The following CALCR variants were observed in gnomAD, a reference collection of about 807,000 sequenced individuals.
CALCR encodes the protein calcitonin receptor.
In CALCR, 47 loss-of-function variants were observed where a neutral mutation model predicts 59.5. The observed-to-expected ratio is 0.79, with a 90% CI of 0.63 to 1.01. The LOEUF is 1.01. Ranked by LOEUF, CALCR falls within the 50% of genes least tolerant of loss-of-function variation. The pLI is 0.00. For missense variants in CALCR, 566 were observed against 597.1 expected (o/e 0.95, Z 0.54); for synonymous variants, 213 against 211.3 (o/e 1.01, Z -0.07).
At chr7:93,429,529 A>G (rs1432941244) in intron 13 of CALCR, among the ~76,000 whole-genome samples, 1 of 152,204 alleles carries the variant, frequency 6.6e-6, no homozygotes, top group East Asian at 1.9e-4. Flanking sequence ...CACAGTTTGA[A>G]GACTTAACTA....
chr7:93,441,437 T>C, intron 9 of CALCR: 1 of 428,126 alleles, frequency 2.3e-6, no homozygotes, highest in Non-Finnish European at 4.6e-6. Context: ...TTAAATTGTA[T>C]CCAGTCTATT....
At chr7:93,450,464 A>T (rs1174454175) in intron 8 of CALCR, among the ~76,000 whole-genome samples, 3 of 151,958 alleles carry the variant, frequency 2.0e-5, no homozygotes, top group African/African-American at 7.2e-5. Flanking sequence ...ATATACACAG[A>T]ATCTGAGGCC....
intron 8 of CALCR, among the ~76,000 whole-genome samples, 160 bp downstream of exon 8, chr7:93,460,661 T>C (rs868860907): frequency 2.7e-5 from 4 of 146,464 alleles, no homozygotes; most frequent in Non-Finnish European, 6.0e-5. Flanking sequence ...AGAAACTACA[T>C]AGAAATGATA....
chr7:93,563,840 G>A (rs187326641), intron 2 of CALCR, among the ~76,000 whole-genome samples: 1 of 152,284 alleles, frequency 6.6e-6, no homozygotes, highest in African/African-American at 2.4e-5. Flanking sequence ...CATATTAGCT[G>A]TGTGTTCTTC....
chr7:93,431,841 A>C (rs2283003), intron 13 of CALCR, among the ~76,000 whole-genome samples: 33,056 of 152,142 alleles, frequency 0.22, 4,021 homozygotes, highest in East Asian at 0.39. Context: ...AAAAGGGAGA[A>C]AATCTAGTGT....
rs1173662251 is a variant in CALCR, at chr7:93,425,758, T to C, written c.*598A>G. The stretch of plus-strand genomic sequence containing the variant: ...CTAAATTTCTTTTGCATTCAAAGCA[T>C]ACATCTTCCTGCCAAATGCAGGTCT... On this transcript the variant is annotated 3_prime_UTR_variant, in exon 14 of 14. Transcript: ENST00000426151. 1 of 152,152 alleles carries C rather than the reference T, an allele frequency of 6.6e-6. No individual in the cohort carries two copies. The highest frequency in any genetic ancestry group is 2.4e-5 in the African/African-American group (1 of 41,460). The allele number at this position is 152,152 out of a possible 1,614,324, so 9.4% of individuals were successfully genotyped here.
intron 8 of CALCR, among the ~76,000 whole-genome samples, chr7:93,449,520 C>G (rs113784341): frequency 8.4e-4 from 128 of 152,072 alleles, no homozygotes; most frequent in African/African-American, 2.9e-3. Context: ...CCATCTCCAC[C>G]CTCAGGACTT....
intron 2 of CALCR, among the ~76,000 whole-genome samples, chr7:93,545,215 T>A (rs1446048900): frequency 3.3e-5 from 5 of 152,100 alleles, no homozygotes; most frequent in Non-Finnish European, 7.4e-5. Context: ...AGGAACTTAG[T>A]CGGCTCCTGA....
intron 7 of CALCR, among the ~76,000 whole-genome samples, chr7:93,463,159 C>G (rs573272283): frequency 6.6e-6 from 1 of 151,722 alleles, no homozygotes; most frequent in East Asian, 1.9e-4. Context: ...TCTTCAGTTT[C>G]GTATTAACTA....
chr7:93,568,691 C>T (rs1167871912), intron 2 of CALCR, among the ~76,000 whole-genome samples: 1 of 151,732 alleles, frequency 6.6e-6, no homozygotes, highest in Non-Finnish European at 1.5e-5. Flanking sequence ...ATTTTTTCCT[C>T]TATGTTTTCT....
intron 2 of CALCR, among the ~76,000 whole-genome samples, chr7:93,557,663 T>C (rs933472040): frequency 5.3e-5 from 8 of 152,008 alleles, no homozygotes; most frequent in Admixed American, 1.3e-4. Flanking sequence ...GTTATGTTTA[T>C]GATTATAACA....
At chr7:93,537,817 A>G (rs572067297) in intron 2 of CALCR, among the ~76,000 whole-genome samples, 23 of 151,918 alleles carry the variant, frequency 1.5e-4, no homozygotes, top group African/African-American at 5.3e-4. Context: ...TACATATTTG[A>G]TATGTTTGTA....
chr7:93,438,304 T>C (rs746338577), intron 9 of CALCR, 34 bp from the exon 10 acceptor site: 1 of 1,542,670 alleles, frequency 6.5e-7, no homozygotes, highest in South Asian at 1.1e-5. Context: ...CACACTTGGT[T>C]TCTTGGTCAT....
At chr7:93,527,520 T>C (rs1166288780) in intron 2 of CALCR, among the ~76,000 whole-genome samples, 1 of 152,172 alleles carries the variant, frequency 6.6e-6, no homozygotes, top group Non-Finnish European at 1.5e-5. Flanking sequence ...TTTTTTGTAC[T>C]AGTTTTGTGA....
intron 3 of CALCR, among the ~76,000 whole-genome samples, chr7:93,480,856 C>T (rs933497339): frequency 1.3e-5 from 2 of 151,740 alleles, no homozygotes; most frequent in Non-Finnish European, 2.9e-5. Flanking sequence ...AGGGACCTTT[C>T]CCACAAAAGT....
At chr7:93,490,942 T>C (rs1801061399) in intron 2 of CALCR, among the ~76,000 whole-genome samples, 2 of 151,924 alleles carry the variant, frequency 1.3e-5, no homozygotes, top group African/African-American at 2.4e-5. Context: ...AAAACCTGTA[T>C]AGCCAAGACA....
chr7:93,441,854 A>G (rs1046632016), intron 9 of CALCR, among the ~76,000 whole-genome samples: 1 of 152,160 alleles, frequency 6.6e-6, no homozygotes, highest in Non-Finnish European at 1.5e-5. Context: ...ACTATGTGAC[A>G]ACATCCCCCT....
chr7:93,512,845 T>A (rs1224378246), intron 2 of CALCR, among the ~76,000 whole-genome samples: 1 of 152,128 alleles, frequency 6.6e-6, no homozygotes, highest in African/African-American at 2.4e-5. Flanking sequence ...TAAATAGCAC[T>A]CATAAAATTT....
intron 7 of CALCR, among the ~76,000 whole-genome samples, chr7:93,467,141 T>C (rs1299098835): frequency 6.6e-6 from 1 of 151,834 alleles, no homozygotes; most frequent in African/African-American, 2.4e-5. Flanking sequence ...ATGTGTTTAT[T>C]TACCATAATG....
Sources: gnomAD v4.1 joint callset for allele counts (sites outside exome capture counted in the v4.1 genomes callset) on GRCh38, gnomAD v4.1.1 for gene constraint, MANE v1.5 for transcripts, NCBI Gene and HGNC (gene_info 2026-07-23, HGNC 2026-07-21) for gene names.